Variants in CTNNA3 observed in about 807,000 individuals in gnomAD.
CTNNA3 encodes the protein catenin alpha-3.
Under a neutral mutation model 95.7 loss-of-function variants are expected in CTNNA3, and 76 were observed. That is an observed-to-expected ratio of 0.79 (90% CI 0.66 to 0.96). The LOEUF is 0.96. Among genes scored for constraint, CTNNA3 ranks in the 40% least tolerant of loss-of-function variants. The pLI is 0.00. For missense variants in CTNNA3, 1,191 were observed against 1,089.8 expected (o/e 1.09, Z -1.31); for synonymous variants, 431 against 374.4 (o/e 1.15, Z -1.74).
chr10:67,573,151 C>T (rs892590660), intron 3 of CTNNA3, among the ~76,000 whole-genome samples: 5 of 151,972 alleles, frequency 3.3e-5, no homozygotes, highest in African/African-American at 1.2e-4. Context: ...CCTTTTAGAT[C>T]GATGTGATTA....
intron 6 of CTNNA3, among the ~76,000 whole-genome samples, chr10:67,194,140 C>T (rs1412791455): frequency 2.0e-5 from 3 of 151,980 alleles, no homozygotes; most frequent in African/African-American, 4.8e-5. Flanking sequence ...ATGTCCTTTG[C>T]CCACTTTTTA....
intron 7 of CTNNA3, among the ~76,000 whole-genome samples, chr10:67,123,534 C>T (rs1334039249): frequency 6.6e-6 from 1 of 152,136 alleles, no homozygotes; most frequent in African/African-American, 2.4e-5. Context: ...ACAGCCACAA[C>T]AAAATGCTGC....
chr10:67,008,525 T>C (rs1852138593), intron 7 of CTNNA3, among the ~76,000 whole-genome samples: 2 of 152,146 alleles, frequency 1.3e-5, no homozygotes, highest in Admixed American at 1.3e-4. Context: ...AGAACAATAA[T>C]GTATTTGTTC....
At chr10:66,546,558 C>T (rs552391653) in intron 10 of CTNNA3, among the ~76,000 whole-genome samples, 2 of 152,130 alleles carry the variant, frequency 1.3e-5, no homozygotes, top group South Asian at 2.1e-4. Flanking sequence ...GGGGAAGCCT[C>T]GAGAAACTTA....
In CTNNA3 at chr10:67,337,710, T is replaced by C. The variant is rs192155049; in HGVS notation, c.580-117840A>G. ...CCACAGCCACCCAACATACGGCAACTATTACCCTGATCAATCAACAGCCAT... is the reference window on the plus strand; with the variant it reads ...CCACAGCCACCCAACATACGGCAACCATTACCCTGATCAATCAACAGCCAT... On this transcript the variant is annotated intron_variant, in intron 5 of 17. Transcript: ENST00000433211. Among the ~76,000 whole-genome samples the C allele has an allele frequency of 1.9e-3, 290 of 152,310 alleles. 2 individuals carry two copies. Among genetic ancestry groups the C allele is most frequent in the African/African-American group, 6.7e-3 (279 of 41,566 alleles).
Position 66,972,700 on chromosome 10 carries a change from A to ATTT in CTNNA3, c.1048-197179_1048-197177dup, listed in dbSNP as rs56664927. On this transcript the variant is annotated intron_variant, in intron 7 of 17. Coordinates refer to ENST00000433211, the MANE Select transcript of CTNNA3 (RefSeq NM_013266.4). ...ACAATTTAAAGGTTCTGTCAAATAG[A>ATTT]TTTTTTTTTTTTTTTTTTTTTTTTT... Among the ~76,000 whole-genome samples, 536 of 108,642 alleles carry ATTT rather than the reference A, an allele frequency of 4.9e-3. 9 individuals carry two copies. The highest frequency in any genetic ancestry group is 0.01 in the African/African-American group (304 of 29,584). 71.3% of individuals were successfully genotyped at this position (108,642 alleles called of 152,430 possible).
At chr10:66,635,473 T>G (rs1845302082) in intron 9 of CTNNA3, among the ~76,000 whole-genome samples, 1 of 152,156 alleles carries the variant, frequency 6.6e-6, no homozygotes, top group African/African-American at 2.4e-5. Context: ...ACCAGTGACC[T>G]GATTTCTCAC....
chr10:66,360,180 T>C (rs767000276), intron 12 of CTNNA3, among the ~76,000 whole-genome samples: 6 of 140,692 alleles, frequency 4.3e-5, no homozygotes, highest in Non-Finnish European at 6.4e-5. Context: ...ATTATATCTA[T>C]ATATAAAAAC....
chr10:67,038,132 C>T lies in CTNNA3; in HGVS notation c.1047+142185G>A, dbSNP rs1410870081. ...GTTTATATGAGTATTGTAGAGCAAG[C>T]ATTTCAGAGCAAGTTATTATATTTA... On this transcript the variant is annotated intron_variant, in intron 7 of 17. Transcript: ENST00000433211. 3.3e-5 allele frequency among the ~76,000 whole-genome samples: 5 copies of T among 152,142 alleles called. No homozygotes were observed. In the South Asian group the frequency reaches 1.0e-3, roughly 32 times the overall value.
intron 7 of CTNNA3, among the ~76,000 whole-genome samples, chr10:66,904,847 T>C (rs2132538704): frequency 6.6e-6 from 1 of 152,140 alleles, no homozygotes; most frequent in African/African-American, 2.4e-5. Context: ...ATTAGAATGG[T>C]GATCATTAAA....
intron 17 of CTNNA3, among the ~76,000 whole-genome samples, chr10:65,955,223 T>C (rs187338541): frequency 5.5e-4 from 84 of 152,322 alleles, no homozygotes; most frequent in Non-Finnish European, 1.0e-3. Flanking sequence ...CTTGTGATTT[T>C]TGCACATTGA....
At chr10:67,522,074 C>A in intron 4 of CTNNA3, 113 bp from the exon 5 acceptor site, 2 of 989,586 alleles carry the variant, frequency 2.0e-6, no homozygotes, top group South Asian at 3.5e-5. Context: ...ATTCATAATA[C>A]AGTGATAACA....
At chr10:66,973,620 C>G (rs1233958109) in intron 7 of CTNNA3, among the ~76,000 whole-genome samples, 1 of 152,024 alleles carries the variant, frequency 6.6e-6, no homozygotes. Context: ...TTTTGTTAGA[C>G]TATTAAATTA....
intron 7 of CTNNA3, among the ~76,000 whole-genome samples, chr10:66,901,590 TAA>T (rs1308348903): frequency 2.6e-5 from 4 of 152,110 alleles, no homozygotes; most frequent in Admixed American, 2.6e-4. Context: ...GCAAATTGGA[TAA>T]AGAGTCAAGA....
chr10:67,028,643 C>T (rs1239287277), intron 7 of CTNNA3, among the ~76,000 whole-genome samples: 2 of 68,696 alleles, frequency 2.9e-5, no homozygotes, highest in African/African-American at 8.8e-5. Flanking sequence ...CAAGCTAGTT[C>T]TACTTAAAAA....
At chr10:66,650,679 A>C (rs1845862912) in intron 9 of CTNNA3, among the ~76,000 whole-genome samples, 1 of 152,150 alleles carries the variant, frequency 6.6e-6, no homozygotes, top group African/African-American at 2.4e-5. Context: ...CGCTGGCTTC[A>C]GGAATGAAGC....
chr10:67,678,386 A>G (rs1161412350), intron 1 of CTNNA3, among the ~76,000 whole-genome samples: 5 of 152,184 alleles, frequency 3.3e-5, no homozygotes, highest in Admixed American at 3.3e-4. Context: ...GAAAAAGACA[A>G]TGAAGTAATT....
At chr10:67,311,742 C>T (rs1049684116) in intron 5 of CTNNA3, among the ~76,000 whole-genome samples, 2 of 152,030 alleles carry the variant, frequency 1.3e-5, no homozygotes, top group African/African-American at 4.8e-5. Context: ...GAAACTTGCA[C>T]GAATAAATAA....
chr10:65,981,189 T>G (rs1235767202), intron 16 of CTNNA3, among the ~76,000 whole-genome samples: 1 of 152,112 alleles, frequency 6.6e-6, no homozygotes, highest in Non-Finnish European at 1.5e-5. Flanking sequence ...GGCTCTGCTA[T>G]ATACCAACAG....
Sources: gnomAD v4.1 joint callset for allele counts (sites outside exome capture counted in the v4.1 genomes callset) on GRCh38, gnomAD v4.1.1 for gene constraint, MANE v1.5 for transcripts, NCBI Gene and HGNC (gene_info 2026-07-23, HGNC 2026-07-21) for gene names.